The following GUCY1A2 variants were observed in gnomAD, a reference collection of about 807,000 sequenced individuals.
The protein encoded by GUCY1A2 is guanylate cyclase 1 soluble subunit alpha 2.
In GUCY1A2, 27 loss-of-function variants were observed where a neutral mutation model predicts 63.5. The observed-to-expected ratio is 0.43, with a 90% confidence interval of 0.31 to 0.59. The LOEUF (loss-of-function observed/expected upper bound fraction) is 0.59. GUCY1A2 is among the 20% of genes least tolerant of loss of function. The pLI is 0.11. For missense variants in GUCY1A2, 768 were observed against 913.3 expected, an observed-to-expected ratio of 0.84 and a Z score of 2.05; for synonymous variants, 364 against 343.5, an observed-to-expected ratio of 1.06 and a Z score of -0.66.
intron 5 of GUCY1A2, among the ~76,000 whole-genome samples, chr11:106,783,329 T>C (rs1324326765): frequency 6.6e-6 from 1 of 152,122 alleles, no homozygotes; most frequent in Non-Finnish European, 1.5e-5. Context: ...CACATAGACA[T>C]CACTGTTGGC....
chr11:106,981,147 C>T (rs1311529416), intron 2 of GUCY1A2, among the ~76,000 whole-genome samples: 1 of 152,094 alleles, frequency 6.6e-6, no homozygotes, highest in Non-Finnish European at 1.5e-5. Flanking sequence ...AAAAAAGAAG[C>T]TAGATCATTT....
In GUCY1A2 at chr11:106,684,867, TAACAAATGCCACC is replaced by T. The variant is rs1404862810; in HGVS notation, c.*2669_*2681del. ...CTGTATAGATAAAAGTCATATGAAA[TAACAAATGCCACC>T]ACATTGTTACAATCACAATTCCTAA... On this transcript the variant is annotated 3_prime_UTR_variant, in exon 8 of 8. Transcript: ENST00000526355. 4.8e-6 allele frequency: 1 copy of T among 207,688 alleles called. No homozygotes were observed. The highest frequency in any genetic ancestry group is 9.8e-6 in the Non-Finnish European group (1 of 101,870). 12.9% of individuals were successfully genotyped at this position (207,688 alleles called of 1,614,324 possible). A position where few individuals can be genotyped will look rare whatever the true frequency, so the allele number is the denominator to read the frequency against.
At chr11:106,850,963 G>A (rs917377514) in intron 4 of GUCY1A2, among the ~76,000 whole-genome samples, 1 of 151,906 alleles carries the variant, frequency 6.6e-6, no homozygotes. Context: ...TACCAACAGT[G>A]TATAGGAGTT....
intron 6 of GUCY1A2, among the ~76,000 whole-genome samples, chr11:106,758,149 A>G (rs1470663456): frequency 6.6e-6 from 1 of 152,146 alleles, no homozygotes. Flanking sequence ...TGTGGGCATA[A>G]TACCACCTAC....
At chr11:106,841,440 T>G (rs1013187022) in intron 4 of GUCY1A2, among the ~76,000 whole-genome samples, 2 of 151,938 alleles carry the variant, frequency 1.3e-5, no homozygotes, top group African/African-American at 4.8e-5. Flanking sequence ...GAATTTGTTT[T>G]GAATTTCTGA....
intron 6 of GUCY1A2, among the ~76,000 whole-genome samples, chr11:106,773,865 T>C (rs1160826632): frequency 6.6e-6 from 1 of 152,216 alleles, no homozygotes; most frequent in African/African-American, 2.4e-5. Flanking sequence ...GGTTTTAATT[T>C]TAATGTTCTA....
chr11:106,735,045 T>C (rs1430810200), intron 6 of GUCY1A2, among the ~76,000 whole-genome samples: 1 of 152,110 alleles, frequency 6.6e-6, no homozygotes. Flanking sequence ...ATGGGGTACA[T>C]AAGTATTTCG....
At chr11:106,726,570 TG>T (rs1863412135) in intron 6 of GUCY1A2, among the ~76,000 whole-genome samples, 1 of 151,984 alleles carries the variant, frequency 6.6e-6, no homozygotes, top group Non-Finnish European at 1.5e-5. Context: ...CTTAGGCGGG[TG>T]GGCAGGAAAC....
chr11:106,900,482 TAA>T (rs1860116685), intron 4 of GUCY1A2, among the ~76,000 whole-genome samples: 1 of 152,234 alleles, frequency 6.6e-6, no homozygotes, highest in Non-Finnish European at 1.5e-5. Flanking sequence ...ATTATTAATC[TAA>T]AAGACATAAT....
intron 6 of GUCY1A2, among the ~76,000 whole-genome samples, chr11:106,764,562 G>A (rs1300736269): frequency 1.3e-5 from 2 of 151,920 alleles, no homozygotes; most frequent in African/African-American, 4.8e-5. Flanking sequence ...TACAGTACAG[G>A]CATATTTCAC....
chr11:106,748,405 T>A (rs1356251591), intron 6 of GUCY1A2, among the ~76,000 whole-genome samples: 1 of 152,224 alleles, frequency 6.6e-6, no homozygotes, highest in African/African-American at 2.4e-5. Context: ...ATACAGGCTG[T>A]ATATACGAAT....
intron 6 of GUCY1A2, among the ~76,000 whole-genome samples, chr11:106,745,781 A>T (rs1863776830): frequency 6.6e-6 from 1 of 152,202 alleles, no homozygotes; most frequent in African/African-American, 2.4e-5. Flanking sequence ...AACACATTTT[A>T]TCTTTTGCCA....
intron 3 of GUCY1A2, among the ~76,000 whole-genome samples, chr11:106,951,582 G>A (rs878977820): frequency 6.6e-6 from 1 of 152,042 alleles, no homozygotes; most frequent in Non-Finnish European, 1.5e-5. Context: ...CTTTATGATG[G>A]GGTTGTTTGG....
At chr11:106,897,353 G>A (rs1039080116) in intron 4 of GUCY1A2, among the ~76,000 whole-genome samples, 2 of 151,936 alleles carry the variant, frequency 1.3e-5, no homozygotes, top group African/African-American at 2.4e-5. Flanking sequence ...TGATTCTTAC[G>A]TTTACATGAA....
In GUCY1A2 at chr11:106,679,513, A is replaced by G. The variant is rs1316529770; in HGVS notation, c.*8036T>C. On this transcript the variant is annotated 3_prime_UTR_variant, in exon 8 of 8. Transcript: ENST00000526355. ...GGACACAAAATAAATATTTCCTATT[A>G]TTTGTGATTAAATTTTTCAACTAAG... 1.0e-5 allele frequency: 2 copies of G among 199,114 alleles called. No individual in the cohort carries two copies. Among genetic ancestry groups the G allele is most frequent in the East Asian group, 7.8e-5 (1 of 12,778 alleles). 12.3% of individuals were successfully genotyped at this position (199,114 alleles called of 1,614,324 possible). A position where few individuals can be genotyped will look rare whatever the true frequency, so the allele number is the denominator to read the frequency against.
At chr11:106,690,073 G>T (rs1182746362) in intron 7 of GUCY1A2, among the ~76,000 whole-genome samples, 1 of 152,062 alleles carries the variant, frequency 6.6e-6, no homozygotes, top group East Asian at 1.9e-4. Flanking sequence ...CAGTTGTTGG[G>T]AATGTAAATT....
chr11:106,810,980 A>C (rs1042949881), intron 4 of GUCY1A2, among the ~76,000 whole-genome samples: 1 of 152,124 alleles, frequency 6.6e-6, no homozygotes, highest in Non-Finnish European at 1.5e-5. Context: ...AGTACTTTTA[A>C]AATGTACTAG....
At chr11:106,952,286 T>C (rs1027200599) in intron 3 of GUCY1A2, among the ~76,000 whole-genome samples, 1 of 152,158 alleles carries the variant, frequency 6.6e-6, no homozygotes, top group Non-Finnish European at 1.5e-5. Flanking sequence ...ATGTCAATGG[T>C]AGTTTGATGT....
chr11:106,921,382 T>C (rs1860441982), intron 4 of GUCY1A2, among the ~76,000 whole-genome samples: 1 of 152,048 alleles, frequency 6.6e-6, no homozygotes, highest in African/African-American at 2.4e-5. Flanking sequence ...GCCAGACATG[T>C]GATCTTAAGA....
Sources: gnomAD v4.1 joint callset for allele counts (sites outside exome capture counted in the v4.1 genomes callset) on GRCh38, gnomAD v4.1.1 for gene constraint, MANE v1.5 for transcripts, NCBI Gene and HGNC (gene_info 2026-07-23, HGNC 2026-07-21) for gene names.